Variants in RIT2 observed in about 807,000 individuals in gnomAD.
RIT2 encodes the protein GTP-binding protein Rit2.
In RIT2, 24 loss-of-function variants were observed where a neutral mutation model predicts 23.7. The observed-to-expected ratio is 1.01, with a 90% confidence interval of 0.73 to 1.43. The LOEUF (loss-of-function observed/expected upper bound fraction) is 1.43. Ranked by LOEUF, RIT2 falls within the 40% of genes most tolerant of loss-of-function variation. The pLI, the probability that RIT2 is intolerant of heterozygous loss-of-function variation, is 0.00. For missense variants in RIT2, 236 were observed against 266.9 expected (o/e 0.88, Z 0.81); for synonymous variants, 107 against 91.1 (o/e 1.17, Z -0.99).
At chr18:43,010,982 A>G (rs1276129294) in intron 2 of RIT2, among the ~76,000 whole-genome samples, 3 of 151,860 alleles carry the variant, frequency 2.0e-5, no homozygotes, top group African/African-American at 7.2e-5. Flanking sequence ...GGTTCCTGTG[A>G]AAGACAATGG....
intron 3 of RIT2, among the ~76,000 whole-genome samples, chr18:42,968,703 G>A (rs564354246): frequency 6.6e-6 from 1 of 152,182 alleles, no homozygotes; most frequent in Non-Finnish European, 1.5e-5. Context: ...TGACTATATG[G>A]CAAGTACTTC....
chr18:42,848,492 C>T (rs1318487009), intron 4 of RIT2, among the ~76,000 whole-genome samples: 1 of 152,180 alleles, frequency 6.6e-6, no homozygotes, highest in Non-Finnish European at 1.5e-5. Context: ...GTAGCTACAA[C>T]TTATACAACA....
chr18:43,095,462 T>C (rs1346131925), intron 1 of RIT2, among the ~76,000 whole-genome samples: 1 of 151,878 alleles, frequency 6.6e-6, no homozygotes, highest in Non-Finnish European at 1.5e-5. Flanking sequence ...TGTATACCTA[T>C]GTACAAACCT....
At chr18:42,878,565 C>CTGTGTGTGTGTG (rs71371607) in intron 4 of RIT2, among the ~76,000 whole-genome samples, 135 of 147,606 alleles carry the variant, frequency 9.1e-4, no homozygotes, top group African/African-American at 3.0e-3. Flanking sequence ...AGATTCAACT[C>CTGTGTGTGTGTG]TGTGTGTGTG....
At chr18:42,943,998 C>T (rs780584790) in intron 3 of RIT2, among the ~76,000 whole-genome samples, 3 of 152,122 alleles carry the variant, frequency 2.0e-5, no homozygotes, top group Non-Finnish European at 2.9e-5. Context: ...CAATAGACTC[C>T]TAGCTGCTTT....
intron 3 of RIT2, among the ~76,000 whole-genome samples, chr18:42,967,824 A>T (rs1265187294): frequency 6.6e-6 from 1 of 151,788 alleles, no homozygotes; most frequent in African/African-American, 2.4e-5. Context: ...CCTTTAGAGC[A>T]AATGGTCCCA....
At chr18:42,766,041 C>T (rs1213060018) in intron 4 of RIT2, among the ~76,000 whole-genome samples, 4 of 152,146 alleles carry the variant, frequency 2.6e-5, no homozygotes, top group African/African-American at 9.7e-5. Flanking sequence ...AATTAAACCT[C>T]CCTTTGTTCC....
At chr18:42,763,429 T>C (rs1342028010) in intron 4 of RIT2, among the ~76,000 whole-genome samples, 4 of 143,134 alleles carry the variant, frequency 2.8e-5, no homozygotes, top group African/African-American at 7.9e-5. Flanking sequence ...ACCTTTGCAC[T>C]CCAGCCTGGG....
At chr18:43,013,297 C>G (rs1011247269) in intron 2 of RIT2, among the ~76,000 whole-genome samples, 1 of 151,730 alleles carries the variant, frequency 6.6e-6, no homozygotes, top group African/African-American at 2.4e-5. Context: ...ACAATGCAAA[C>G]ATGAACTATA....
intron 4 of RIT2, among the ~76,000 whole-genome samples, chr18:42,785,444 C>T (rs899671733): frequency 4.5e-5 from 6 of 133,936 alleles, no homozygotes; most frequent in Non-Finnish European, 7.5e-5. Context: ...GTTTCTTGGC[C>T]TCTCTTTTTT....
intron 1 of RIT2, among the ~76,000 whole-genome samples, chr18:43,090,410 T>C (rs544178477): frequency 6.6e-6 from 1 of 152,110 alleles, no homozygotes; most frequent in African/African-American, 2.4e-5. Flanking sequence ...GAAACACTTA[T>C]ACGCTGTTGA....
intron 2 of RIT2, among the ~76,000 whole-genome samples, chr18:43,010,038 C>T (rs774030056): frequency 7.9e-5 from 12 of 151,736 alleles, no homozygotes; most frequent in Non-Finnish European, 1.5e-4. Flanking sequence ...GAATCACATC[C>T]ACTGCAATTT....
intron 4 of RIT2, among the ~76,000 whole-genome samples, chr18:42,795,963 C>T (rs1905338148): frequency 1.3e-5 from 2 of 152,114 alleles, no homozygotes; most frequent in Non-Finnish European, 1.5e-5. Context: ...AGGCACCAAT[C>T]AGCGCCCTGT....
intron 1 of RIT2, among the ~76,000 whole-genome samples, chr18:43,038,923 G>T (rs1912057315): frequency 6.6e-6 from 1 of 151,686 alleles, no homozygotes; most frequent in African/African-American, 2.4e-5. Context: ...TTCAAATTAG[G>T]TAACATTGAC....
intron 2 of RIT2, among the ~76,000 whole-genome samples, chr18:42,984,172 A>T (rs1208427349): frequency 6.6e-6 from 1 of 152,128 alleles, no homozygotes; most frequent in African/African-American, 2.4e-5. Flanking sequence ...TTTTCAATCA[A>T]TGAATGGTTA....
chr18:42,910,020 T>C (rs925570941), intron 4 of RIT2, among the ~76,000 whole-genome samples: 1 of 152,046 alleles, frequency 6.6e-6, no homozygotes, highest in African/African-American at 2.4e-5. Context: ...TGAAGTAAGG[T>C]TTTTATACTT....
At chr18:42,753,260 G>A (rs1011318137) in intron 4 of RIT2, among the ~76,000 whole-genome samples, 17 of 152,058 alleles carry the variant, frequency 1.1e-4, no homozygotes, top group African/African-American at 3.1e-4. Context: ...TCTTTTACCC[G>A]AGCTTGGTAA....
chr18:42,991,778 G>C (rs907887758), intron 2 of RIT2, among the ~76,000 whole-genome samples: 1 of 151,840 alleles, frequency 6.6e-6, no homozygotes, highest in Non-Finnish European at 1.5e-5. Flanking sequence ...CTGCCTGCCA[G>C]AGAACAACCC....
intron 2 of RIT2, among the ~76,000 whole-genome samples, chr18:43,014,284 G>A (rs989641253): frequency 2.6e-5 from 4 of 151,868 alleles, no homozygotes; most frequent in Admixed American, 2.0e-4. Context: ...AGGAGGAGAG[G>A]CATTGATATT....
Sources: allele counts gnomAD v4.1 joint callset (sites outside exome capture counted in the v4.1 genomes callset), GRCh38; gene constraint gnomAD v4.1.1; transcripts MANE v1.5; gene names NCBI Gene and HGNC (gene_info 2026-07-23, HGNC 2026-07-21).